Variants in OAS2 observed in about 807,000 individuals in gnomAD.
The protein encoded by OAS2 is 2'-5'-oligoadenylate synthetase 2, also known as 2'-5'-oligoadenylate synthase 2.
A neutral mutation model predicts 71.3 loss-of-function variants in OAS2; 67 were observed. That is an observed-to-expected ratio of 0.94 (90% CI 0.77 to 1.15). The LOEUF is 1.15. OAS2 is among the 50% of genes most tolerant of loss of function. The probability of loss-of-function intolerance (pLI) is 0.00; values close to 1 mark genes in which losing one functional copy is unlikely to be tolerated. For synonymous variants in OAS2, 327 were observed against 321.8 expected (o/e 1.02, Z -0.17); for missense variants, 789 against 822.5 (o/e 0.96, Z 0.50).
chr12:113,006,022 G>A (rs1161111611), intron 7 of OAS2, among the ~76,000 whole-genome samples: 1 of 149,340 alleles, frequency 6.7e-6, no homozygotes, highest in Non-Finnish European at 1.5e-5. Context: ...TCGTCCCAGA[G>A]ATCTTTCTGT....
At chr12:113,007,373 TA>T (rs2044343719) in intron 8 of OAS2, among the ~76,000 whole-genome samples, 1 of 152,238 alleles carries the variant, frequency 6.6e-6, no homozygotes, top group Non-Finnish European at 1.5e-5. Flanking sequence ...AGTCTTCATC[TA>T]AAATGCAGGT....
chr12:112,986,235 A>G (rs2044133715), intron 1 of OAS2, among the ~76,000 whole-genome samples: 1 of 152,208 alleles, frequency 6.6e-6, no homozygotes. Context: ...GCAGTATGCC[A>G]GGCATGCTGG....
chr12:112,987,876 AG>A (rs2044154741), intron 2 of OAS2: 1 of 985,760 alleles, frequency 1.0e-6, no homozygotes, highest in African/African-American at 1.7e-5. Context: ...TAAATCCCTA[AG>A]ACCTGCCCAC....
In OAS2 at chr12:113,009,935, G is replaced by A; in HGVS notation, c.*680G>A. The stretch of plus-strand genomic sequence containing the variant: ...AGATATACTTGGTTCTCTCCACCAG[G>A]TTCTTTCTTTAAAGCAGGATTTCTC... On this transcript the variant is annotated 3_prime_UTR_variant, in exon 10 of 10. Coordinates refer to ENST00000392583, the MANE Select transcript of OAS2 (RefSeq NM_002535.3). The A allele has an allele frequency of 1.0e-6, 1 of 987,556 alleles. No individual in the cohort carries two copies. The highest frequency in any genetic ancestry group is 1.2e-6 in the Non-Finnish European group (1 of 831,626). The allele number at this position is 987,556 out of a possible 1,614,324, so 61.2% of individuals were successfully genotyped here. A position where few individuals can be genotyped will look rare whatever the true frequency, so the allele number is the denominator to read the frequency against.
rs940886997 is a variant in OAS2 at position 113,010,023 on chromosome 12, T to C, written c.*768T>C. 1.7e-5 allele frequency: 16 copies of C among 965,882 alleles called. No homozygotes were observed. The highest frequency in any genetic ancestry group is 1.9e-5 in the Non-Finnish European group (15 of 809,324). The allele number at this position is 965,882 out of a possible 1,614,324, so 59.8% of individuals were successfully genotyped here. A position where few individuals can be genotyped will look rare whatever the true frequency, so the allele number is the denominator to read the frequency against. ...CTTTGTTTGGAGGCTCTCTTGTGCA[T>C]TGTAGGATGTTGAGCAGCATCTCTG... On this transcript the variant is annotated 3_prime_UTR_variant, in exon 10 of 10. Transcript: ENST00000392583.
chr12:113,003,563 TA>T (rs987528817), intron 6 of OAS2, among the ~76,000 whole-genome samples: 6 of 152,196 alleles, frequency 3.9e-5, no homozygotes, highest in Admixed American at 3.3e-4. Flanking sequence ...CCAGAGCATG[TA>T]TTTTTAGGGG....
chr12:112,991,256 G>A lies in OAS2; in HGVS notation c.448+3948G>A, dbSNP rs191862128. On this transcript the variant is annotated intron_variant, in intron 2 of 9. Coordinates refer to ENST00000392583, the MANE Select transcript of OAS2 (RefSeq NM_002535.3). ...AAGTCCTCTGGCTCTCTATGTCTGG[G>A]TTAGATCCACTTTCCACATGCTCCA... is the stretch of plus-strand genomic sequence containing the variant. Among the ~76,000 whole-genome samples the A allele has an allele frequency of 7.2e-5, 11 of 152,292 alleles. 1 individual carries two copies. In the East Asian group the frequency reaches 2.1e-3, roughly 29 times the overall value.
chr12:112,996,818 T>G (rs73432784), intron 3 of OAS2, among the ~76,000 whole-genome samples: 11,111 of 152,032 alleles, frequency 0.073, 1,325 homozygotes, highest in African/African-American at 0.25. Flanking sequence ...CTTTCCAATT[T>G]GTGATGGGTG....
Position 113,009,281 on chromosome 12 carries a change from T to C in OAS2, c.*26T>C, listed in dbSNP as rs1231492619. On this transcript the variant is annotated 3_prime_UTR_variant, in exon 10 of 10. Coordinates refer to ENST00000392583, the MANE Select transcript of OAS2 (RefSeq NM_002535.3). ...AGGAGGCGTTGTCTGGAAATAGCCC[T>C]GTAACAGGCTTGAATCAAAGAACTT... 1.1e-5 allele frequency: 17 copies of C among 1,608,286 alleles called. No homozygotes were observed. Among genetic ancestry groups the C allele is most frequent in the Non-Finnish European group, 1.1e-5 (13 of 1,177,348 alleles).
intron 3 of OAS2, among the ~76,000 whole-genome samples, chr12:112,997,258 C>T (rs773488982): frequency 1.8e-4 from 28 of 152,024 alleles, no homozygotes; most frequent in Non-Finnish European, 3.2e-4. Context: ...GAATTTCCCT[C>T]GAAAGAACTC....
At chr12:112,993,834 T>C (rs1041774856) in intron 2 of OAS2, among the ~76,000 whole-genome samples, 1 of 152,128 alleles carries the variant, frequency 6.6e-6, no homozygotes, top group African/African-American at 2.4e-5. Flanking sequence ...GATTGTGCCA[T>C]TGCAGTCCAG....
intron 1 of OAS2, among the ~76,000 whole-genome samples, chr12:112,981,566 G>A (rs760406113): frequency 5.9e-5 from 9 of 151,986 alleles, no homozygotes; most frequent in Non-Finnish European, 1.0e-4. Context: ...TGTTCCTTTG[G>A]TCTATATGTC....
chr12:112,978,775 G>A lies in OAS2; in HGVS notation c.167G>A (p.Gly56Glu), dbSNP rs774520551. ...CCCGAACAGTTCCCCCTGGTGCAGGGAGTGGCCATAGTGAGTCCAGGGCTG... is the reference window on the plus strand; with the variant it reads ...CCCGAACAGTTCCCCCTGGTGCAGGAAGTGGCCATAGTGAGTCCAGGGCTG... ...QEPEQFPLVQGVAIGGSYGRK... is the reference protein window; with the variant it reads ...QEPEQFPLVQEVAIGGSYGRK... Residue 56 changes from glycine (G) to glutamate (E), a missense_variant, in exon 1 of 10, where the codon GGA (glycine) becomes GAA (glutamate). Gly to Glu is a moderately conservative substitution (Grantham distance 98). Coordinates refer to ENST00000392583, the MANE Select transcript of OAS2 (RefSeq NM_002535.3). This position sits in a 1 kb window ranked among gnomAD's most constrained non-coding sequence, Gnocchi z 4.2. The A allele has an allele frequency of 1.9e-6, 3 of 1,613,594 alleles. No homozygotes were observed. The highest frequency in any genetic ancestry group is 2.5e-6 in the Non-Finnish European group (3 of 1,179,730).
intron 1 of OAS2, among the ~76,000 whole-genome samples, chr12:112,985,114 A>G (rs1002371207): frequency 6.6e-6 from 1 of 152,222 alleles, no homozygotes; most frequent in Non-Finnish European, 1.5e-5. Flanking sequence ...CAGTTTGACT[A>G]TAATATGCCT....
At position 113,010,157 on chromosome 12, in the gene OAS2, C is replaced by T; in HGVS notation, c.*902C>T. ...ACCCTTGCACTAGAGGAACCCTACACCCCAACCCTGGGGGGAATGTAGGGA... is the reference window on the plus strand; with the variant it reads ...ACCCTTGCACTAGAGGAACCCTACATCCCAACCCTGGGGGGAATGTAGGGA... On this transcript the variant is annotated 3_prime_UTR_variant, in exon 10 of 10. Coordinates refer to ENST00000392583, the MANE Select transcript of OAS2 (RefSeq NM_002535.3). The T allele has an allele frequency of 1.5e-6, 2 of 1,297,746 alleles. No individual in the cohort carries two copies. The highest frequency in any genetic ancestry group is 2.0e-6 in the Non-Finnish European group (2 of 1,021,678). The allele number at this position is 1,297,746 out of a possible 1,614,324, so 80.4% of individuals were successfully genotyped here.
intron 1 of OAS2, among the ~76,000 whole-genome samples, chr12:112,984,921 G>T (rs2044118912): frequency 6.6e-6 from 1 of 150,494 alleles, no homozygotes; most frequent in Non-Finnish European, 1.5e-5. Context: ...AGCTTTGCTG[G>T]GTATCGTATT....
chr12:113,008,847 G>A (rs948779135), intron 9 of OAS2, among the ~76,000 whole-genome samples: 12 of 152,084 alleles, frequency 7.9e-5, no homozygotes, highest in South Asian at 2.1e-4. Flanking sequence ...GGATGTTCTC[G>A]AACTCCTGGC....
Position 113,005,004 on chromosome 12 carries a change from C to T in OAS2, c.1250C>T (p.Ser417Leu), listed in dbSNP as rs1468997735. ...SDADLVVFHN[S>L]LKSYTSQKNE... ...GCCGATCTCGTCGTGTTCCATAACT[C>T]ACTTAAAAGCTACACCTCCCAAAAA... Residue 417 changes from serine (S) to leucine (L), a missense_variant, in exon 7 of 10, where the codon TCA (serine) becomes TTA (leucine). Ser to Leu is a moderately radical substitution (Grantham distance 145, BLOSUM62 -2). Transcript: ENST00000392583. 6.2e-7 allele frequency: 1 copy of T among 1,614,166 alleles called. No individual in the cohort carries two copies. The highest frequency in any genetic ancestry group is 1.7e-5 in the Admixed American group (1 of 60,026).
In OAS2 at chr12:112,987,203, A is replaced by C. The variant is rs751716561; in HGVS notation, c.343A>C (p.Lys115Gln). Residue 115 changes from lysine to glutamine, a missense_variant, in exon 2 of 10, where the codon AAA (lysine) becomes CAA (glutamine). Lys to Gln is a moderately conservative substitution (Grantham distance 53). Transcript: ENST00000392583. The stretch of plus-strand genomic sequence containing the variant: ...GTTCTGTCTGTTCACGAAGTGGTTG[A>C]AAAACAATTTCGAGATCCAGAAGTC... ...LKFCLFTKWL[K>Q]NNFEIQKSLD... 6.2e-7 allele frequency: 1 copy of C among 1,614,214 alleles called. No individual in the cohort carries two copies. The highest frequency in any genetic ancestry group is 8.5e-7 in the Non-Finnish European group (1 of 1,180,036).
Sources: allele counts gnomAD v4.1 joint callset (sites outside exome capture counted in the v4.1 genomes callset), GRCh38; gene constraint gnomAD v4.1.1; non-coding constraint Gnocchi (gnomAD v3.1); transcripts MANE v1.5; gene names NCBI Gene and HGNC (gene_info 2026-07-23, HGNC 2026-07-21).